The following NPAS2 variants were observed in gnomAD, a reference collection of about 807,000 sequenced individuals.
NPAS2 encodes neuronal PAS domain-containing protein 2.
In NPAS2, 23 loss-of-function variants were observed where a neutral mutation model predicts 107.5. That is an observed-to-expected ratio of 0.21 (90% CI 0.15 to 0.30). The LOEUF is 0.30. NPAS2 is among the 10% of genes least tolerant of loss of function. NPAS2 has a pLI of 1.00. For missense variants in NPAS2, 756 were observed against 1,043.3 expected (o/e 0.72, Z 3.79); for synonymous variants, 403 against 417.5 (o/e 0.97, Z 0.42).
intron 1 of NPAS2, among the ~76,000 whole-genome samples, chr2:100,829,197 T>G (rs1283406059): frequency 6.6e-6 from 1 of 151,742 alleles, no homozygotes; most frequent in African/African-American, 2.4e-5. Context: ...TTTTTTTTTT[T>G]TTTTTGAGAC....
intron 1 of NPAS2, among the ~76,000 whole-genome samples, chr2:100,886,679 C>A (rs748659802): frequency 2.6e-5 from 4 of 152,204 alleles, no homozygotes. Flanking sequence ...AAGCCAGGAT[C>A]TTTCAGGACT....
chr2:100,924,044 A>G (rs571014933), intron 2 of NPAS2, among the ~76,000 whole-genome samples: 119 of 152,264 alleles, frequency 7.8e-4, no homozygotes, highest in African/African-American at 2.6e-3. Flanking sequence ...GATCTCTCCT[A>G]TAAGTGTGCA....
intron 16 of NPAS2, 154 bp downstream of exon 16, chr2:100,982,531 G>A (rs1677510717): frequency 3.5e-6 from 3 of 853,682 alleles, no homozygotes; most frequent in South Asian, 1.8e-5. Flanking sequence ...CTCTGCAAAG[G>A]ACAAGGAACA....
intron 11 of NPAS2, 103 bp from the exon 12 acceptor site, chr2:100,970,887 G>C (rs374788407): frequency 8.3e-5 from 77 of 931,886 alleles, no homozygotes; most frequent in East Asian, 6.8e-4. Context: ...TGGGGGGCAG[G>C]GGTTACGTAG....
intron 2 of NPAS2, among the ~76,000 whole-genome samples, chr2:100,918,060 A>G (rs901651040): frequency 7.8e-5 from 6 of 76,914 alleles, no homozygotes; most frequent in Admixed American, 1.7e-4. Context: ...ATATCCAACT[A>G]TATATATTTA....
chr2:100,878,871 C>A (rs1680149879), intron 1 of NPAS2, among the ~76,000 whole-genome samples: 1 of 152,140 alleles, frequency 6.6e-6, no homozygotes, highest in Non-Finnish European at 1.5e-5. Context: ...GTAATCCCAG[C>A]ACTTTGGGAG....
At chr2:100,826,215 G>A (rs1030001178) in intron 1 of NPAS2, among the ~76,000 whole-genome samples, 11 of 152,302 alleles carry the variant, frequency 7.2e-5, no homozygotes, top group Non-Finnish European at 1.3e-4. Context: ...AGGCCGAGGC[G>A]GGCGGATCAC....
chr2:100,877,852 A>C, intron 1 of NPAS2: 2 of 528,374 alleles, frequency 3.8e-6, no homozygotes, highest in Non-Finnish European at 4.8e-6. Flanking sequence ...ATTTCATTTC[A>C]CATACTGCCT....
At chr2:100,877,445 C>CA (rs72050213) in intron 1 of NPAS2, among the ~76,000 whole-genome samples, 48,480 of 81,612 alleles carry the variant, frequency 0.59, 14,942 homozygotes, top group Non-Finnish European at 0.7. Flanking sequence ...GACTCCGTCT[C>CA]AAAAAAAAAA....
rs754283959 is a variant in NPAS2 at position 100,964,893 on chromosome 2, A to G, written c.750A>G (p.Glu250=). The change falls in exon 9 of 21, where the codon GAA becomes GAG. Residue 250 remains glutamate, a synonymous_variant. Coordinates refer to ENST00000335681, the MANE Select transcript of NPAS2 (RefSeq NM_002518.4). The part of the protein sequence containing the change: ...EMCIVDEPLE[E]FTSRHSLEWK... ...GCATAGTTGACGAACCTTTAGAGGA[A>G]TTCACTTCAAGGCATAGCTTGGAAT... 4 of 1,577,698 alleles carry G rather than the reference A, an allele frequency of 2.5e-6. No individual in the cohort carries two copies. In the East Asian group the frequency reaches 6.9e-5, roughly 27 times the overall value.
chr2:100,877,875 A>G (rs1324848275), intron 1 of NPAS2: 1 of 710,668 alleles, frequency 1.4e-6, no homozygotes, highest in Admixed American at 6.3e-5. Context: ...TAAGAATGCC[A>G]AGGACCTTCT....
intron 1 of NPAS2, among the ~76,000 whole-genome samples, chr2:100,823,247 G>A (rs1386057686): frequency 6.6e-6 from 1 of 152,138 alleles, no homozygotes; most frequent in Non-Finnish European, 1.5e-5. Flanking sequence ...TATTAAATAT[G>A]AGCGTATGTT....
intron 14 of NPAS2, 163 bp downstream of exon 14, chr2:100,975,730 A>G (rs529034601): frequency 1.9e-5 from 10 of 518,778 alleles, no homozygotes; most frequent in African/African-American, 1.6e-4. Flanking sequence ...TTAATTGGCA[A>G]CTAATTTTAA....
At chr2:100,856,631 G>A (rs899428133) in intron 1 of NPAS2, among the ~76,000 whole-genome samples, 2 of 151,386 alleles carry the variant, frequency 1.3e-5, no homozygotes, top group African/African-American at 2.4e-5. Context: ...CAAGCCATGC[G>A]GCACACTCCG....
At chr2:100,949,116 A>G (rs1396628469) in intron 6 of NPAS2, among the ~76,000 whole-genome samples, 1 of 152,224 alleles carries the variant, frequency 6.6e-6, no homozygotes, top group Non-Finnish European at 1.5e-5. Flanking sequence ...AACATTACCA[A>G]CCACAGACAT....
At chr2:100,972,704 C>T (rs1436727211) in intron 12 of NPAS2, 1 of 152,322 alleles carries the variant, frequency 6.6e-6, no homozygotes, top group East Asian at 1.9e-4. Flanking sequence ...CATTATGTAT[C>T]ACGTCATAGA....
At chr2:100,884,861 G>A (rs1178361305) in intron 1 of NPAS2, among the ~76,000 whole-genome samples, 5 of 151,940 alleles carry the variant, frequency 3.3e-5, no homozygotes, top group African/African-American at 1.2e-4. Flanking sequence ...TACTTCTGCC[G>A]TTTTGTTTTA....
intron 2 of NPAS2, among the ~76,000 whole-genome samples, chr2:100,913,101 C>G (rs1682653893): frequency 6.6e-6 from 1 of 152,134 alleles, no homozygotes; most frequent in Admixed American, 6.5e-5. Context: ...TCTTCAGCTC[C>G]CGGTGGGAAT....
intron 1 of NPAS2, among the ~76,000 whole-genome samples, chr2:100,838,745 T>C (rs1677216713): frequency 6.6e-6 from 1 of 152,198 alleles, no homozygotes; most frequent in Non-Finnish European, 1.5e-5. Flanking sequence ...GGGGTGTTCA[T>C]AATAATCGGA....
Sources: gnomAD v4.1 joint callset for allele counts (sites outside exome capture counted in the v4.1 genomes callset) on GRCh38, gnomAD v4.1.1 for gene constraint, MANE v1.5 for transcripts, NCBI Gene and HGNC (gene_info 2026-07-23, HGNC 2026-07-21) for gene names.